Variants in PCDH15 observed in about 807,000 individuals in gnomAD.
PCDH15 encodes protocadherin-15.
Under a neutral mutation model 178.5 loss-of-function variants are expected in PCDH15, and 129 were observed. The ratio of observed to expected loss-of-function variants is 0.72; its 90% CI spans 0.63 to 0.84. The LOEUF (loss-of-function observed/expected upper bound fraction) is 0.84, where lower values mean the gene tolerates loss of function less well. PCDH15 is among the 40% of genes least tolerant of loss of function. PCDH15 has a pLI of 0.00. For missense variants in PCDH15, 2,230 were observed against 2,099.9 expected (o/e 1.06, Z -1.21); for synonymous variants, 800 against 732.0 (o/e 1.09, Z -1.50).
At chr10:54,372,534 T>C (rs984583323) in intron 4 of PCDH15, among the ~76,000 whole-genome samples, 21 of 151,908 alleles carry the variant, frequency 1.4e-4, no homozygotes, top group Admixed American at 1.3e-3. Flanking sequence ...GATTCAATTC[T>C]GCTGTATAAG....
In PCDH15 at chr10:54,090,101, G is replaced by T. The variant is rs767057732; in HGVS notation, c.1918-38C>A. ...AACATAATTCAATTATCAAGTAATTGATATGGCGCCCACTCATTACAGAGT... is the reference window on the plus strand; with the variant it reads ...AACATAATTCAATTATCAAGTAATTTATATGGCGCCCACTCATTACAGAGT... On this transcript the variant is annotated intron_variant, in intron 15 of 37. Coordinates refer to ENST00000644397, the MANE Select transcript of PCDH15 (RefSeq NM_001384140.1). 3.4e-6 allele frequency: 5 copies of T among 1,458,760 alleles called. No homozygotes were observed. In the South Asian group the frequency reaches 4.6e-5, roughly 13 times the overall value. The allele number at this position is 1,458,760 out of a possible 1,614,324, so 90.4% of individuals were successfully genotyped here. A position where few individuals can be genotyped will look rare whatever the true frequency, so the allele number is the denominator to read the frequency against.
chr10:54,851,146 T>A (rs941576548), intron 3 of PCDH15, among the ~76,000 whole-genome samples: 3 of 152,090 alleles, frequency 2.0e-5, no homozygotes, highest in Non-Finnish European at 2.9e-5. Context: ...GGATCAAAAA[T>A]TAAGTAGGCC....
At chr10:54,143,562 G>GTT (rs1294750895) in intron 14 of PCDH15, among the ~76,000 whole-genome samples, 2 of 152,130 alleles carry the variant, frequency 1.3e-5, no homozygotes, top group Non-Finnish European at 2.9e-5. Context: ...AGGCTGATGT[G>GTT]TTCATAAAGA....
intron 2 of PCDH15, among the ~76,000 whole-genome samples, chr10:55,007,549 G>A (rs188238309): frequency 2.0e-5 from 3 of 152,106 alleles, no homozygotes; most frequent in African/African-American, 7.2e-5. Flanking sequence ...TAGAGGGTAG[G>A]TAGTAAATAT....
intron 26 of PCDH15, among the ~76,000 whole-genome samples, chr10:53,876,597 T>C (rs1380001651): frequency 1.3e-5 from 2 of 148,502 alleles, no homozygotes; most frequent in Non-Finnish European, 3.0e-5. Context: ...TAGATTGATC[T>C]ACTTTTAGGG....
intron 25 of PCDH15, among the ~76,000 whole-genome samples, chr10:53,930,606 ATT>A (rs2084974152): frequency 6.6e-6 from 1 of 151,312 alleles, no homozygotes; most frequent in South Asian, 2.1e-4. Context: ...TAAAACTTTT[ATT>A]TGTTTTATCT....
At chr10:54,931,895 G>T (rs892302755) in intron 2 of PCDH15, among the ~76,000 whole-genome samples, 17 of 152,256 alleles carry the variant, frequency 1.1e-4, no homozygotes, top group Admixed American at 2.0e-4. Context: ...AAGAGCAAAT[G>T]AAGAGTTGCT....
chr10:53,854,198 A>T (rs1242741568), intron 28 of PCDH15, among the ~76,000 whole-genome samples: 2 of 152,104 alleles, frequency 1.3e-5, no homozygotes, highest in East Asian at 3.9e-4. Flanking sequence ...TTTATGATGT[A>T]TTTAAAGTAG....
intron 3 of PCDH15, among the ~76,000 whole-genome samples, chr10:54,441,306 T>C (rs143895673): frequency 0.017 from 2,575 of 151,992 alleles, 87 homozygotes; most frequent in African/African-American, 0.059. Flanking sequence ...CAACAGCAAA[T>C]TTACCTAAAT....
At chr10:55,314,483 G>C (rs915061486) in intron 1 of PCDH15, among the ~76,000 whole-genome samples, 3 of 151,772 alleles carry the variant, frequency 2.0e-5, no homozygotes, top group Non-Finnish European at 2.9e-5. Flanking sequence ...ATTCATTCTT[G>C]GGTTAACAGA....
At chr10:54,468,705 G>A (rs925554371) in intron 3 of PCDH15, among the ~76,000 whole-genome samples, 3 of 152,072 alleles carry the variant, frequency 2.0e-5, no homozygotes, top group African/African-American at 7.2e-5. Context: ...CTTTTTTGAT[G>A]TTTTTGTCAA....
chr10:54,675,999 G>A (rs1339112820), intron 1 of PCDH15, among the ~76,000 whole-genome samples: 2 of 152,116 alleles, frequency 1.3e-5, no homozygotes, highest in African/African-American at 4.8e-5. Context: ...AGCATTTGCT[G>A]AATATGCAAG....
At chr10:53,820,292 C>A (rs1000397131) in intron 32 of PCDH15, 62 bp from the exon 33 acceptor site, 6 of 396,472 alleles carry the variant, frequency 1.5e-5, no homozygotes, top group African/African-American at 1.2e-4. Context: ...AAAGTAATTA[C>A]TCTTGATTTC....
At chr10:54,892,176 T>G (rs991491941) in intron 3 of PCDH15, among the ~76,000 whole-genome samples, 8 of 152,038 alleles carry the variant, frequency 5.3e-5, no homozygotes, top group African/African-American at 1.9e-4. Context: ...GACCAAATAA[T>G]GCACAGCTCG....
rs1181608512 is a variant in PCDH15 at position 53,988,000 on chromosome 10, T to C, written c.2868+7649A>G. ...AGAGAATGGATTTACTTTCAGAGTT[T>C]GAACCTCAACTCAGGTAACTCCTGT... is the stretch of plus-strand genomic sequence containing the variant. On this transcript the variant is annotated intron_variant, in intron 21 of 37. Coordinates refer to ENST00000644397, the MANE Select transcript of PCDH15 (RefSeq NM_001384140.1). Among the ~76,000 whole-genome samples the C allele has an allele frequency of 2.0e-5, 3 of 152,220 alleles. No homozygotes were observed. The East Asian group carries it at 5.8e-4, about 29-fold the overall frequency.
intron 3 of PCDH15, among the ~76,000 whole-genome samples, chr10:54,851,765 T>G (rs1953626399): frequency 6.6e-6 from 1 of 152,070 alleles, no homozygotes; most frequent in Admixed American, 6.6e-5. Flanking sequence ...AGGCGGGGTT[T>G]TACCATGTTG....
At chr10:55,363,197 G>A (rs972255461) in intron 2 of PCDH15, among the ~76,000 whole-genome samples, 1 of 152,108 alleles carries the variant, frequency 6.6e-6, no homozygotes, top group South Asian at 2.1e-4. Flanking sequence ...ATGTACCGAT[G>A]AATATTCAGT....
At chr10:55,241,834 C>A (rs1422550716) in intron 1 of PCDH15, among the ~76,000 whole-genome samples, 1 of 152,160 alleles carries the variant, frequency 6.6e-6, no homozygotes, top group Non-Finnish European at 1.5e-5. Context: ...ACCTGGATTT[C>A]TATTCTGTAT....
intron 2 of PCDH15, among the ~76,000 whole-genome samples, chr10:55,479,546 C>G (rs1056600443): frequency 1.3e-5 from 2 of 151,466 alleles, no homozygotes; most frequent in African/African-American, 4.8e-5. Flanking sequence ...ATGACAAACC[C>G]ACAACTAACA....
Sources: gnomAD v4.1 joint callset for allele counts (sites outside exome capture counted in the v4.1 genomes callset) on GRCh38, gnomAD v4.1.1 for gene constraint, MANE v1.5 for transcripts, NCBI Gene and HGNC (gene_info 2026-07-23, HGNC 2026-07-21) for gene names.